Variants in ZFP91 observed in about 807,000 individuals in gnomAD.
ZFP91 encodes ZFP91 zinc finger protein, atypical E3 ubiquitin ligase, also known as E3 ubiquitin-protein ligase ZFP91.
Under a neutral mutation model 63.5 loss-of-function variants are expected in ZFP91, and 7 were observed. That is an observed-to-expected ratio of 0.11 (90% CI 0.06 to 0.21). The LOEUF (loss-of-function observed/expected upper bound fraction) is 0.21, where lower values mean the gene tolerates loss of function less well. Among genes scored for constraint, ZFP91 ranks in the 10% least tolerant of loss-of-function variants. ZFP91 has a pLI of 1.00. For synonymous variants in ZFP91, 330 were observed against 272.1 expected (o/e 1.21, Z -2.10); for missense variants, 628 against 736.6 (o/e 0.85, Z 1.71).
At chr11:58,605,991 G>A (rs762275126) in intron 2 of ZFP91, among the ~76,000 whole-genome samples, 4 of 151,768 alleles carry the variant, frequency 2.6e-5, no homozygotes, top group Middle Eastern at 3.2e-3. Context: ...ACTGATTCTT[G>A]TTTTTCAAGT....
chr11:58,616,996 A>G (rs1855759285), intron 10 of ZFP91, among the ~76,000 whole-genome samples, 181 bp downstream of exon 10: 1 of 152,082 alleles, frequency 6.6e-6, no homozygotes, highest in Admixed American at 6.6e-5. Context: ...TTTTCAGGCA[A>G]ACAGAAGAAG....
At chr11:58,600,627 CT>C (rs1855477702) in intron 2 of ZFP91, among the ~76,000 whole-genome samples, 1 of 152,030 alleles carries the variant, frequency 6.6e-6, no homozygotes, top group African/African-American at 2.4e-5. Flanking sequence ...TTACTTCTTC[CT>C]TTTCACTTTG....
In ZFP91 at chr11:58,619,614, C is replaced by T. The variant is rs1855812854; in HGVS notation, c.*1908C>T. On this transcript the variant is annotated 3_prime_UTR_variant, in exon 11 of 11. Transcript: ENST00000316059. ...AGGCTTACTTTATACCAACTAGTGT[C>T]AGCATTTGGGATGCCAGGGAACAGA... 1 of 152,578 alleles carries T rather than the reference C, an allele frequency of 6.6e-6. No individual in the cohort carries two copies. The highest frequency in any genetic ancestry group is 1.5e-5 in the Non-Finnish European group (1 of 68,032). 9.5% of individuals were successfully genotyped at this position (152,578 alleles called of 1,614,324 possible).
chr11:58,580,707 G>T (rs969396409), intron 1 of ZFP91, among the ~76,000 whole-genome samples: 2 of 152,208 alleles, frequency 1.3e-5, no homozygotes, highest in Non-Finnish European at 2.9e-5. Flanking sequence ...GCTTGCCTTA[G>T]AAGCCTCTCA....
At position 58,579,074 on chromosome 11, in the gene ZFP91, G is replaced by GCA. The variant is rs1197066629; in HGVS notation, c.-207_-206insAC. ...CCCGCTGAGCGTCTGTGGCGCGCGC[G>GCA]CGCGCGCCGCCAGCGGTAGCGGACC... On this transcript the variant is annotated 5_prime_UTR_variant, in exon 1 of 11. Coordinates refer to ENST00000316059, the MANE Select transcript of ZFP91 (RefSeq NM_053023.5). 3.5e-5 allele frequency: 13 copies of GCA among 375,188 alleles called. No individual in the cohort carries two copies. The highest frequency in any genetic ancestry group is 5.6e-5 in the Non-Finnish European group (12 of 215,272). The allele number at this position is 375,188 out of a possible 1,614,324, so 23.2% of individuals were successfully genotyped here.
chr11:58,606,355 CTG>C (rs1195636406), intron 2 of ZFP91, among the ~76,000 whole-genome samples: 1 of 152,198 alleles, frequency 6.6e-6, no homozygotes, highest in African/African-American at 2.4e-5. Flanking sequence ...GTGTGAGCCA[CTG>C]TACCCGGCCT....
chr11:58,619,317 G>A lies in ZFP91; in HGVS notation c.*1611G>A, dbSNP rs909461545. The A allele has an allele frequency of 2.2e-4, 34 of 152,304 alleles. No individual in the cohort carries two copies. The highest frequency in any genetic ancestry group is 7.9e-4 in the African/African-American group (33 of 41,534). 9.4% of individuals were successfully genotyped at this position (152,304 alleles called of 1,614,324 possible). A position where few individuals can be genotyped will look rare whatever the true frequency, so the allele number is the denominator to read the frequency against. ...ACTGGAGAGAAAAGGTAGTGTTTTT[G>A]TACAAGGTCATACCGCCAGAAGCCC... On this transcript the variant is annotated 3_prime_UTR_variant, in exon 11 of 11. Coordinates refer to ENST00000316059, the MANE Select transcript of ZFP91 (RefSeq NM_053023.5).
rs190873918 is a variant in ZFP91, at chr11:58,607,486, A to C, written c.371-2344A>C. 3.5e-3 allele frequency among the ~76,000 whole-genome samples: 525 copies of C among 152,122 alleles called. 3 individuals are homozygous for C. Among genetic ancestry groups the C allele is most frequent in the African/African-American group, 0.012 (495 of 41,504 alleles). On this transcript the variant is annotated intron_variant, in intron 2 of 10. Transcript: ENST00000316059. Reference sequence around the variant, plus strand: ...GTTTTATTTTTTATTTTTTCTATTAAAATAGCTCAGATAGGAGGGTGATGC... The same window carrying C: ...GTTTTATTTTTTATTTTTTCTATTACAATAGCTCAGATAGGAGGGTGATGC...
intron 1 of ZFP91, among the ~76,000 whole-genome samples, chr11:58,583,744 A>C (rs1015341927): frequency 2.0e-5 from 3 of 152,116 alleles, no homozygotes; most frequent in African/African-American, 7.2e-5. Flanking sequence ...ATTTAAAATA[A>C]AATTATAATA....
Position 58,604,574 on chromosome 11 carries a change from C to T in ZFP91, c.371-5256C>T, listed in dbSNP as rs117255311. Among the ~76,000 whole-genome samples the T allele has an allele frequency of 2.1e-3, 320 of 152,290 alleles. 9 individuals are homozygous for T. In the East Asian group the frequency reaches 0.057, roughly 27 times the overall value. ...TTTCAGCTCTCTCTTGCTTACTATT[C>T]GCATGTAATATCTTAATCCATTCTT... On this transcript the variant is annotated intron_variant, in intron 2 of 10. Coordinates refer to ENST00000316059, the MANE Select transcript of ZFP91 (RefSeq NM_053023.5).
chr11:58,579,174 G>C lies in ZFP91; in HGVS notation c.-108G>C. The C allele has an allele frequency of 2.1e-6, 2 of 933,154 alleles. No individual in the cohort carries two copies. Among genetic ancestry groups the C allele is most frequent in the South Asian group, 2.2e-5 (1 of 46,124 alleles). 57.8% of individuals were successfully genotyped at this position (933,154 alleles called of 1,614,324 possible). A position where few individuals can be genotyped will look rare whatever the true frequency, so the allele number is the denominator to read the frequency against. ...GGGGGGAAAGAGGAGCGCAGGGTGA[G>C]AGTGAGCCGCAGGCTTCGGGAGGCG... On this transcript the variant is annotated 5_prime_UTR_variant, in exon 1 of 11. Coordinates refer to ENST00000316059, the MANE Select transcript of ZFP91 (RefSeq NM_053023.5).
rs991918375 is a variant in ZFP91 at position 58,618,304 on chromosome 11, G to T, written c.*598G>T. 2 of 187,294 alleles carry T rather than the reference G, an allele frequency of 1.1e-5. No homozygotes were observed. Among genetic ancestry groups the T allele is most frequent in the East Asian group, 1.6e-4 (1 of 6,074 alleles). 11.6% of individuals were successfully genotyped at this position (187,294 alleles called of 1,614,324 possible). On this transcript the variant is annotated 3_prime_UTR_variant, in exon 11 of 11. Coordinates refer to ENST00000316059, the MANE Select transcript of ZFP91 (RefSeq NM_053023.5). The stretch of plus-strand genomic sequence containing the variant: ...TCCCCCCTGGGTTTCAGAAAGGAAG[G>T]ATATATGGGGACCACCTCCCCCTTC...
At chr11:58,585,542 C>T (rs1855192761) in intron 2 of ZFP91, among the ~76,000 whole-genome samples, 4 of 152,240 alleles carry the variant, frequency 2.6e-5, no homozygotes, top group Middle Eastern at 3.4e-3. Flanking sequence ...CACACAGCAT[C>T]CTCCTTAAAA....
intron 6 of ZFP91, 117 bp downstream of exon 6, chr11:58,611,855 T>C: frequency 3.0e-6 from 4 of 1,334,550 alleles, no homozygotes; most frequent in Non-Finnish European, 3.9e-6. Flanking sequence ...ATGTATTTTT[T>C]AACTTAAAAA....
intron 2 of ZFP91, among the ~76,000 whole-genome samples, chr11:58,588,744 C>A (rs918795124): frequency 6.6e-6 from 1 of 151,726 alleles, no homozygotes; most frequent in African/African-American, 2.4e-5. Flanking sequence ...TTCTTTCTTT[C>A]TAGTATATTT....
At chr11:58,593,599 T>A (rs1855345564) in intron 2 of ZFP91, among the ~76,000 whole-genome samples, 1 of 152,206 alleles carries the variant, frequency 6.6e-6, no homozygotes, top group African/African-American at 2.4e-5. Flanking sequence ...AAATGATCCA[T>A]TTTATATGAA....
chr11:58,600,125 G>A (rs1228622694), intron 2 of ZFP91, among the ~76,000 whole-genome samples: 1 of 152,032 alleles, frequency 6.6e-6, no homozygotes, highest in Non-Finnish European at 1.5e-5. Context: ...AGAAAAAAGT[G>A]CGTCTTTAAT....
chr11:58,609,312 C>T (rs911009030), intron 2 of ZFP91, among the ~76,000 whole-genome samples: 7 of 152,202 alleles, frequency 4.6e-5, no homozygotes, highest in African/African-American at 1.4e-4. Flanking sequence ...CATTCAATTG[C>T]TCTATAGATT....
rs1246614800 is a variant in ZFP91, at chr11:58,621,180, G to T, written c.*3474G>T. The stretch of plus-strand genomic sequence containing the variant: ...TGTTTGCTTTTGTTGAGAATCAGGT[G>T]GTTAATTTTTGACTGTTCTTGATTT... On this transcript the variant is annotated 3_prime_UTR_variant, in exon 11 of 11. Coordinates refer to ENST00000316059, the MANE Select transcript of ZFP91 (RefSeq NM_053023.5). 3 of 99,372 alleles carry T rather than the reference G, an allele frequency of 3.0e-5. No homozygotes were observed. The highest frequency in any genetic ancestry group is 1.3e-4 in the African/African-American group (3 of 23,896). 6.2% of individuals were successfully genotyped at this position (99,372 alleles called of 1,614,324 possible). A position where few individuals can be genotyped will look rare whatever the true frequency, so the allele number is the denominator to read the frequency against.
Sources: allele counts gnomAD v4.1 joint callset (sites outside exome capture counted in the v4.1 genomes callset), GRCh38; gene constraint gnomAD v4.1.1; transcripts MANE v1.5; gene names NCBI Gene and HGNC (gene_info 2026-07-23, HGNC 2026-07-21).